The following SPAG16 variants were observed in gnomAD, a reference collection of about 807,000 sequenced individuals.
SPAG16 encodes the protein sperm associated antigen 16, also known as sperm-associated antigen 16 protein.
SPAG16 carries 86 observed loss-of-function variants against 80.4 expected under a neutral mutation model. The observed-to-expected ratio is 1.07, with a 90% CI of 0.90 to 1.28. SPAG16 has a LOEUF of 1.28. Among genes scored for constraint, SPAG16 ranks in the 50% most tolerant of loss-of-function variants. The pLI is 0.00. For synonymous variants in SPAG16, 294 were observed against 265.9 expected (o/e 1.11, Z -1.03); for missense variants, 870 against 765.3 (o/e 1.14, Z -1.61).
At chr2:213,615,454 G>T (rs141739533) in intron 10 of SPAG16, among the ~76,000 whole-genome samples, 2 of 152,206 alleles carry the variant, frequency 1.3e-5, no homozygotes, top group East Asian at 3.9e-4. Context: ...ACCTGGGTGG[G>T]ATGGCATGCA....
At chr2:214,276,149 A>G (rs1465296453) in intron 15 of SPAG16, among the ~76,000 whole-genome samples, 1 of 152,166 alleles carries the variant, frequency 6.6e-6, no homozygotes, top group East Asian at 1.9e-4. Context: ...TTTGCTTGGT[A>G]GATCTTCCTC....
chr2:213,704,989 G>A (rs937659971), intron 10 of SPAG16, among the ~76,000 whole-genome samples: 88 of 152,282 alleles, frequency 5.8e-4, no homozygotes, highest in African/African-American at 2.0e-3. Context: ...GCATGGGCTT[G>A]CGCCTGTAAT....
chr2:213,862,669 G>A (rs2075523962), intron 11 of SPAG16, 41 bp downstream of exon 11: 4 of 1,606,604 alleles, frequency 2.5e-6, no homozygotes, highest in African/African-American at 1.3e-5. Context: ...AATCTCTCTA[G>A]GAATGTGCTC....
chr2:213,892,559 A>G (rs1412995773), intron 11 of SPAG16, among the ~76,000 whole-genome samples: 1 of 152,174 alleles, frequency 6.6e-6, no homozygotes. Context: ...GATCTGCAAG[A>G]TAACACAGAA....
At position 213,940,011 on chromosome 2, in the gene SPAG16, A is replaced by G. The variant is rs184653167; in HGVS notation, c.1400+9866A>G. Among the ~76,000 whole-genome samples, 27 of 152,298 alleles carry G rather than the reference A, an allele frequency of 1.8e-4. No individual in the cohort carries two copies. The South Asian group carries it at 2.5e-3, about 14-fold the overall frequency. On this transcript the variant is annotated intron_variant, in intron 12 of 15. Transcript: ENST00000331683. Reference sequence around the variant, plus strand: ...CATATTTCGTTTCAATACATGTCCTAGTAAAATTTCTTATCTACAAATTCA... The same window carrying G: ...CATATTTCGTTTCAATACATGTCCTGGTAAAATTTCTTATCTACAAATTCA...
intron 14 of SPAG16, among the ~76,000 whole-genome samples, chr2:214,111,132 T>G (rs2053641199): frequency 6.6e-6 from 1 of 152,332 alleles, no homozygotes; most frequent in African/African-American, 2.4e-5. Context: ...CTCTTTAGTT[T>G]AATTAGATCC....
At chr2:213,755,486 TCAAACA>T (rs1432244529) in intron 10 of SPAG16, among the ~76,000 whole-genome samples, 7 of 152,214 alleles carry the variant, frequency 4.6e-5, no homozygotes, top group Non-Finnish European at 1.0e-4. Context: ...AGTAAACATC[TCAAACA>T]CAAAGTTTAA....
At chr2:214,000,364 A>T (rs1254252914) in intron 12 of SPAG16, among the ~76,000 whole-genome samples, 1 of 152,050 alleles carries the variant, frequency 6.6e-6, no homozygotes, top group Non-Finnish European at 1.5e-5. Flanking sequence ...CTCCTGGGCC[A>T]TTATTTTGAG....
chr2:214,262,285 T>C (rs1383180226), intron 15 of SPAG16, among the ~76,000 whole-genome samples: 2 of 152,114 alleles, frequency 1.3e-5, no homozygotes. Context: ...ATTAAAACTT[T>C]GAGTTAATTT....
chr2:213,901,321 C>G (rs10182801), intron 11 of SPAG16, among the ~76,000 whole-genome samples: 88,892 of 151,984 alleles, frequency 0.58, 27,823 homozygotes, highest in South Asian at 0.84. Flanking sequence ...AAGAAATGGT[C>G]TCAGACTGTC....
At chr2:213,927,050 G>T (rs1487330067) in intron 11 of SPAG16, among the ~76,000 whole-genome samples, 1 of 152,208 alleles carries the variant, frequency 6.6e-6, no homozygotes, top group Non-Finnish European at 1.5e-5. Context: ...TCAGGTTCTG[G>T]TGAGGGCCCC....
chr2:214,236,796 T>C (rs1182240875), intron 15 of SPAG16, among the ~76,000 whole-genome samples: 2 of 152,152 alleles, frequency 1.3e-5, no homozygotes, highest in African/African-American at 4.8e-5. Flanking sequence ...TCAGATGAGT[T>C]CCTTGAAATC....
chr2:214,197,715 C>T (rs916907071), intron 15 of SPAG16, among the ~76,000 whole-genome samples: 2 of 151,862 alleles, frequency 1.3e-5, no homozygotes, highest in East Asian at 1.9e-4. Flanking sequence ...CTGTTATTTA[C>T]ATTTTGGTAC....
intron 10 of SPAG16, among the ~76,000 whole-genome samples, chr2:213,768,209 A>G (rs548143551): frequency 4.5e-4 from 69 of 152,326 alleles, no homozygotes; most frequent in African/African-American, 1.6e-3. Flanking sequence ...TATTGGGGGT[A>G]AAGGACTGAT....
At chr2:214,051,184 G>A (rs534877478) in intron 13 of SPAG16, among the ~76,000 whole-genome samples, 17 of 152,276 alleles carry the variant, frequency 1.1e-4, no homozygotes, top group South Asian at 4.1e-4. Context: ...CAAGGACGAC[G>A]TAAAATATGA....
intron 1 of SPAG16, among the ~76,000 whole-genome samples, chr2:213,293,331 C>T (rs1436350835): frequency 4.6e-5 from 7 of 152,146 alleles, no homozygotes; most frequent in East Asian, 3.8e-4. Flanking sequence ...TGAACTAATA[C>T]GCATCCAGTG....
chr2:214,137,265 T>TA (rs2055105975), intron 14 of SPAG16, among the ~76,000 whole-genome samples: 1 of 152,166 alleles, frequency 6.6e-6, no homozygotes, highest in African/African-American at 2.4e-5. Flanking sequence ...TGCATGCTGC[T>TA]ATTTTCATTG....
At position 213,297,308 on chromosome 2, in the gene SPAG16, C is replaced by T. The variant is rs1417015973; in HGVS notation, c.230C>T (p.Ala77Val). ...FSIPEGEEDL[A>V]KAIQMAQEQA... ...ATCCCAGAAGGTGAAGAAGATCTGG[C>T]AAAAGCAATTCAGATGGCCCAAGAA... is the stretch of plus-strand genomic sequence containing the variant. The change falls in exon 3 of 16, where the codon GCA becomes GTA. Residue 77 changes from alanine (A) to valine (V), a missense_variant. Ala to Val is a moderately conservative substitution (Grantham distance 64, BLOSUM62 0). Transcript: ENST00000331683. 6 of 1,612,890 alleles carry T rather than the reference C, an allele frequency of 3.7e-6. No homozygotes were observed. Among genetic ancestry groups the T allele is most frequent in the Non-Finnish European group, 5.1e-6 (6 of 1,179,228 alleles).
chr2:214,171,894 T>G (rs967712332), intron 15 of SPAG16, among the ~76,000 whole-genome samples: 1 of 151,886 alleles, frequency 6.6e-6, no homozygotes, highest in African/African-American at 2.4e-5. Context: ...TATTTGAGAT[T>G]TACAACATGA....
Sources: gnomAD v4.1 joint callset for allele counts (sites outside exome capture counted in the v4.1 genomes callset) on GRCh38, gnomAD v4.1.1 for gene constraint, MANE v1.5 for transcripts, NCBI Gene and HGNC (gene_info 2026-07-23, HGNC 2026-07-21) for gene names.